The following ASF1A variants were observed in gnomAD, a reference collection of about 807,000 sequenced individuals.
ASF1A encodes the protein anti-silencing function 1A histone chaperone, also known as histone chaperone ASF1A.
In ASF1A, 5 loss-of-function variants were observed where a neutral mutation model predicts 22.0. That is an observed-to-expected ratio of 0.23 (90% CI 0.12 to 0.48). The LOEUF (loss-of-function observed/expected upper bound fraction) is 0.48. Ranked by LOEUF, ASF1A falls within the 20% of genes least tolerant of loss-of-function variation. The pLI is 0.99. For synonymous variants in ASF1A, 97 were observed against 86.7 expected (o/e 1.12, Z -0.66); for missense variants, 137 against 240.6 (o/e 0.57, Z 2.85).
intron 1 of ASF1A, among the ~76,000 whole-genome samples, chr6:118,895,599 T>G (rs1779340833): frequency 6.6e-6 from 1 of 152,206 alleles, no homozygotes; most frequent in African/African-American, 2.4e-5. Context: ...GTATTTTTTC[T>G]ACATATATTT....
At chr6:118,901,089 A>G in intron 2 of ASF1A, 1 of 479,302 alleles carries the variant, frequency 2.1e-6, no homozygotes, top group Non-Finnish European at 3.7e-6. Context: ...AGAGATGTTA[A>G]TGTGACGTTT....
chr6:118,902,384 AACT>A (rs1001006469), intron 2 of ASF1A, among the ~76,000 whole-genome samples: 3 of 152,218 alleles, frequency 2.0e-5, no homozygotes, highest in Admixed American at 2.0e-4. Context: ...CTAAAATTAG[AACT>A]ACATTTTTAT....
chr6:118,900,816 G>A lies in ASF1A; in HGVS notation c.160G>A (p.Asp54Asn). Residue 54 changes from aspartate (D) to asparagine (N), a missense_variant, in exon 2 of 4, where the codon GAT becomes AAT. Asp to Asn is a conservative substitution (Grantham distance 23). Coordinates refer to ENST00000229595, the MANE Select transcript of ASF1A (RefSeq NM_014034.3). The stretch of plus-strand genomic sequence containing the variant: ...GGGCTCTGCAGAAAGTGAAGAATAC[G>A]ATCAAGTTTTAGACTCTGTTTTAGT... The part of the protein sequence containing the change: ...YVGSAESEEY[D>N]QVLDSVLVGP... The A allele has an allele frequency of 6.2e-7, 1 of 1,613,856 alleles. No individual in the cohort carries two copies.
At chr6:118,897,985 T>C (rs1444194816) in intron 1 of ASF1A, among the ~76,000 whole-genome samples, 1 of 152,182 alleles carries the variant, frequency 6.6e-6, no homozygotes, top group Non-Finnish European at 1.5e-5. Flanking sequence ...TCTCTCTCCA[T>C]CTCCTCTGCT....
Position 118,908,895 on chromosome 6 carries a change from G to C in ASF1A, c.*1281G>C, listed in dbSNP as rs1401756636. 1.3e-5 allele frequency: 2 copies of C among 152,566 alleles called. No individual in the cohort carries two copies. The highest frequency in any genetic ancestry group is 2.9e-5 in the Non-Finnish European group (2 of 68,016). The allele number at this position is 152,566 out of a possible 1,614,324, so 9.5% of individuals were successfully genotyped here. A position where few individuals can be genotyped will look rare whatever the true frequency, so the allele number is the denominator to read the frequency against. ...TTTTAAAGCTTTTATGTTGAGGAAA[G>C]GAAAAGGGCATTTGTCTAAACATGG... is the stretch of plus-strand genomic sequence containing the variant. On this transcript the variant is annotated 3_prime_UTR_variant, in exon 4 of 4. Transcript: ENST00000229595.
intron 1 of ASF1A, among the ~76,000 whole-genome samples, chr6:118,896,178 C>G (rs1250500753): frequency 6.6e-6 from 1 of 151,762 alleles, no homozygotes; most frequent in Non-Finnish European, 1.5e-5. Context: ...TCTTATTACT[C>G]TGAAGTCATT....
At chr6:118,900,096 GTATACTC>G (rs1459766965) in intron 1 of ASF1A, among the ~76,000 whole-genome samples, 1 of 152,148 alleles carries the variant, frequency 6.6e-6, no homozygotes, top group African/African-American at 2.4e-5. Context: ...TCTCCACTGT[GTATACTC>G]TATTGTATCA....
rs1191489771 is a variant in ASF1A, at chr6:118,907,815, G to A, written c.*201G>A. On this transcript the variant is annotated 3_prime_UTR_variant, in exon 4 of 4. Coordinates refer to ENST00000229595, the MANE Select transcript of ASF1A (RefSeq NM_014034.3). ...TTTTTAAGTAATTTTTTTCTCTAATGTGTTATTTTATTTGTTCTGAAACTA... is the reference window on the plus strand; with the variant it reads ...TTTTTAAGTAATTTTTTTCTCTAATATGTTATTTTATTTGTTCTGAAACTA... The A allele has an allele frequency of 4.0e-6, 2 of 499,552 alleles. No individual in the cohort carries two copies. Among genetic ancestry groups the A allele is most frequent in the Admixed American group, 3.5e-5 (1 of 28,384 alleles). 30.9% of individuals were successfully genotyped at this position (499,552 alleles called of 1,614,324 possible). A position where few individuals can be genotyped will look rare whatever the true frequency, so the allele number is the denominator to read the frequency against.
intron 3 of ASF1A, 30 bp from the exon 4 acceptor site, chr6:118,907,372 T>C: frequency 1.4e-6 from 2 of 1,481,342 alleles, no homozygotes; most frequent in Non-Finnish European, 1.9e-6. Flanking sequence ...TCTTAGTGTT[T>C]ACCATTTGTA....
At chr6:118,899,029 A>G (rs1034307249) in intron 1 of ASF1A, among the ~76,000 whole-genome samples, 4 of 151,966 alleles carry the variant, frequency 2.6e-5, no homozygotes, top group Non-Finnish European at 5.9e-5. Context: ...CCTACCCCAC[A>G]TCACCTCCCT....
intron 3 of ASF1A, among the ~76,000 whole-genome samples, chr6:118,906,325 G>A (rs1225211675): frequency 6.6e-6 from 1 of 152,064 alleles, no homozygotes; most frequent in South Asian, 2.1e-4. Context: ...TGCCTACCTT[G>A]ACCTCCCAAA....
At chr6:118,895,588 G>C (rs1178553262) in intron 1 of ASF1A, among the ~76,000 whole-genome samples, 1 of 151,666 alleles carries the variant, frequency 6.6e-6, no homozygotes, top group Non-Finnish European at 1.5e-5. Context: ...AAGAATTCTT[G>C]GTATTTTTTC....
At chr6:118,906,147 A>G (rs183930827) in intron 3 of ASF1A, among the ~76,000 whole-genome samples, 269 of 152,234 alleles carry the variant, frequency 1.8e-3, no homozygotes, top group Non-Finnish European at 3.2e-3. Context: ...ATCTCGGCTC[A>G]CTGCAACCTC....
rs1007662436 is a variant in ASF1A, at chr6:118,907,694, T to G, written c.*80T>G. On this transcript the variant is annotated 3_prime_UTR_variant, in exon 4 of 4. Transcript: ENST00000229595. ...TCCCTGAAATTCCGTAAGTACATAGTCAAAACACAATGTGAAGAATTTGTT... is the reference window on the plus strand; with the variant it reads ...TCCCTGAAATTCCGTAAGTACATAGGCAAAACACAATGTGAAGAATTTGTT... The G allele has an allele frequency of 4.6e-6, 5 of 1,081,110 alleles. No individual in the cohort carries two copies. The African/African-American group carries it at 7.8e-5, about 17-fold the overall frequency. The allele number at this position is 1,081,110 out of a possible 1,614,324, so 67.0% of individuals were successfully genotyped here. A position where few individuals can be genotyped will look rare whatever the true frequency, so the allele number is the denominator to read the frequency against.
chr6:118,904,343 ACAGTAAACAACAGTCTTCAATTTT>A (rs1431968269), intron 2 of ASF1A, among the ~76,000 whole-genome samples: 1 of 152,210 alleles, frequency 6.6e-6, no homozygotes, highest in Non-Finnish European at 1.5e-5. Flanking sequence ...TGTTAGGCAT[ACAGTAAACAACAGTCTTCAATTTT>A]CACAAGCTAA....
intron 3 of ASF1A, among the ~76,000 whole-genome samples, chr6:118,907,174 C>G (rs1327884326): frequency 6.6e-6 from 1 of 152,188 alleles, no homozygotes; most frequent in Admixed American, 6.5e-5. Flanking sequence ...TGAATCCCCT[C>G]AGATTCTCCG....
At chr6:118,897,393 G>A (rs1242062993) in intron 1 of ASF1A, among the ~76,000 whole-genome samples, 1 of 152,036 alleles carries the variant, frequency 6.6e-6, no homozygotes, top group Non-Finnish European at 1.5e-5. Flanking sequence ...GTGCTTGATG[G>A]TCACCAAGAC....
In ASF1A at chr6:118,908,484, T is replaced by C. The variant is rs923451531; in HGVS notation, c.*870T>C. ...TAGATCATGTTATTGGCAGTATTTA[T>C]ATAAAAACCATGGATTTAGAAAGGT... On this transcript the variant is annotated 3_prime_UTR_variant, in exon 4 of 4. Coordinates refer to ENST00000229595, the MANE Select transcript of ASF1A (RefSeq NM_014034.3). The C allele has an allele frequency of 6.6e-6, 1 of 152,172 alleles. No homozygotes were observed. The highest frequency in any genetic ancestry group is 2.4e-5 in the African/African-American group (1 of 41,464). The allele number at this position is 152,172 out of a possible 1,614,324, so 9.4% of individuals were successfully genotyped here.
At chr6:118,901,095 C>T (rs191129660) in intron 2 of ASF1A, 12 of 456,916 alleles carry the variant, frequency 2.6e-5, no homozygotes, top group African/African-American at 5.9e-5. Flanking sequence ...GTTAATGTGA[C>T]GTTTACTTTA....
Sources: gnomAD v4.1 joint callset for allele counts (sites outside exome capture counted in the v4.1 genomes callset) on GRCh38, gnomAD v4.1.1 for gene constraint, MANE v1.5 for transcripts, NCBI Gene and HGNC (gene_info 2026-07-23, HGNC 2026-07-21) for gene names.